PHACTR1: variants seen among roughly 807,000 people sequenced by gnomAD.
The protein encoded by PHACTR1 is RPEL repeat containing 1.
In PHACTR1, 16 loss-of-function variants were observed where a neutral mutation model predicts 69.2. The ratio of observed to expected loss-of-function variants is 0.23; its 90% CI spans 0.16 to 0.35. The LOEUF is 0.35. Ranked by LOEUF, PHACTR1 falls within the 10% of genes least tolerant of loss-of-function variation. The pLI is 1.00. For synonymous variants in PHACTR1, 312 were observed against 284.5 expected (o/e 1.10, Z -0.97); for missense variants, 510 against 734.7 (o/e 0.69, Z 3.54).
chr6:12,727,331 T>C (rs1762922036), intron 3 of PHACTR1, among the ~76,000 whole-genome samples: 6 of 152,246 alleles, frequency 3.9e-5, no homozygotes, highest in Admixed American at 2.6e-4. Context: ...CCTCCTGTTC[T>C]GGAGTGTGCC....
In PHACTR1 at chr6:12,805,190, A is replaced by G. The variant is rs797018753; in HGVS notation, c.250+55400A>G. On this transcript the variant is annotated intron_variant, in intron 4 of 14. Transcript: ENST00000332995. ...AAGGAAATGACTCATCTGTGCGTTGAAAATATCACACTTGAAATTCATCAA... is the reference window on the plus strand; with the variant it reads ...AAGGAAATGACTCATCTGTGCGTTGGAAATATCACACTTGAAATTCATCAA... Among the ~76,000 whole-genome samples the G allele has an allele frequency of 8.1e-4, 123 of 152,336 alleles. 1 individual carries two copies. Among genetic ancestry groups the G allele is most frequent in the African/African-American group, 2.7e-3 (111 of 41,592 alleles).
In PHACTR1 at chr6:13,041,339, TACACACAC is replaced by T. The variant is rs368368056; in HGVS notation, c.251-11992_251-11985del. Among the ~76,000 whole-genome samples the T allele has an allele frequency of 2.5e-3, 345 of 135,468 alleles. 2 individuals are homozygous for T. The highest frequency in any genetic ancestry group is 3.9e-3 in the Admixed American group (51 of 13,194). The allele number at this position is 135,468 out of a possible 152,430, so 88.9% of individuals were successfully genotyped here. A position where few individuals can be genotyped will look rare whatever the true frequency, so the allele number is the denominator to read the frequency against. On this transcript the variant is annotated intron_variant, in intron 4 of 14. Transcript: ENST00000332995. ...AGCCACTGGTGGTAATTAAAATACA[TACACACAC>T]ACACACACACACACACACACACACA...
chr6:13,175,216 C>T (rs1467898290), intron 6 of PHACTR1, among the ~76,000 whole-genome samples: 13 of 152,204 alleles, frequency 8.5e-5, no homozygotes, highest in Admixed American at 8.5e-4. Flanking sequence ...AACCGTATGT[C>T]AGGCAAGAAA....
At chr6:13,076,990 T>G (rs1249751916) in intron 5 of PHACTR1, among the ~76,000 whole-genome samples, 1 of 149,030 alleles carries the variant, frequency 6.7e-6, no homozygotes, top group African/African-American at 2.5e-5. Context: ...ATCCTAATGC[T>G]AGATGACGAG....
chr6:13,013,090 T>A (rs1294885243), intron 4 of PHACTR1, among the ~76,000 whole-genome samples: 1 of 152,220 alleles, frequency 6.6e-6, no homozygotes, highest in Non-Finnish European at 1.5e-5. Flanking sequence ...GACCCTGTTC[T>A]CCCTTTGGAA....
At chr6:12,966,411 A>T (rs1158777421) in intron 4 of PHACTR1, among the ~76,000 whole-genome samples, 1 of 152,200 alleles carries the variant, frequency 6.6e-6, no homozygotes, top group African/African-American at 2.4e-5. Flanking sequence ...CCTGCTGATA[A>T]AGCACAGAAC....
chr6:12,790,999 C>T (rs1319790535), intron 4 of PHACTR1, among the ~76,000 whole-genome samples: 2 of 152,258 alleles, frequency 1.3e-5, no homozygotes, highest in African/African-American at 2.4e-5. Context: ...AAGGCAAACA[C>T]GATAGACATC....
At chr6:12,856,220 CT>C (rs919131888) in intron 4 of PHACTR1, among the ~76,000 whole-genome samples, 1 of 149,994 alleles carries the variant, frequency 6.7e-6, no homozygotes, top group Non-Finnish European at 1.5e-5. Flanking sequence ...TTCACCCTTT[CT>C]TTTTTTCTTT....
intron 10 of PHACTR1, among the ~76,000 whole-genome samples, chr6:13,240,856 A>G (rs1383200669): frequency 6.6e-6 from 1 of 152,198 alleles, no homozygotes. Context: ...GTTGCTGTAG[A>G]TAAAGTGTTT....
At chr6:13,274,338 C>T (rs915709966) in intron 11 of PHACTR1, 8 of 152,170 alleles carry the variant, frequency 5.3e-5, no homozygotes, top group African/African-American at 1.9e-4. Context: ...AGTTTCCAAG[C>T]TTAATATTCT....
chr6:13,192,848 G>T (rs1024436754), intron 7 of PHACTR1, among the ~76,000 whole-genome samples: 1 of 152,190 alleles, frequency 6.6e-6, no homozygotes, highest in Non-Finnish European at 1.5e-5. Context: ...AAGCCCTGTT[G>T]CTGAAGGAGG....
intron 6 of PHACTR1, among the ~76,000 whole-genome samples, chr6:13,168,362 C>T (rs944609140): frequency 6.6e-5 from 10 of 152,240 alleles, no homozygotes; most frequent in African/African-American, 2.4e-4. Flanking sequence ...TTAAGCAACA[C>T]TGTTCTTTCA....
intron 4 of PHACTR1, among the ~76,000 whole-genome samples, chr6:13,013,838 A>T (rs1183122835): frequency 2.0e-5 from 3 of 148,580 alleles, no homozygotes; most frequent in African/African-American, 4.9e-5. Context: ...CGCGAGTGGC[A>T]GCGCGCGGGG....
At chr6:13,134,423 G>A (rs957789073) in intron 5 of PHACTR1, among the ~76,000 whole-genome samples, 1 of 152,200 alleles carries the variant, frequency 6.6e-6, no homozygotes, top group African/African-American at 2.4e-5. Context: ...GTAGACATGG[G>A]AGACTCCATT....
chr6:13,068,277 A>G (rs1445372972), intron 5 of PHACTR1, among the ~76,000 whole-genome samples: 1 of 152,224 alleles, frequency 6.6e-6, no homozygotes, highest in Non-Finnish European at 1.5e-5. Context: ...AGATGGCACC[A>G]CTGCACTCCA....
At chr6:13,273,905 C>CCCCCCCCCCCCCCCCCCCA in intron 11 of PHACTR1, 1 of 131,994 alleles carries the variant, frequency 7.6e-6, no homozygotes, top group African/African-American at 2.8e-5. Flanking sequence ...TCCCCCGGCC[C>CCCCCCCCCCCCCCCCCCCA]CCCCGCCCCG....
At position 12,921,462 on chromosome 6, in the gene PHACTR1, TGGAA is replaced by T. The variant is rs992368215; in HGVS notation, c.251-131883_251-131880del. Among the ~76,000 whole-genome samples, 26 of 114,712 alleles carry T rather than the reference TGGAA, an allele frequency of 2.3e-4. No individual in the cohort carries two copies. In the East Asian group the frequency reaches 2.6e-3, roughly 11 times the overall value. 75.3% of individuals were successfully genotyped at this position (114,712 alleles called of 152,430 possible). A position where few individuals can be genotyped will look rare whatever the true frequency, so the allele number is the denominator to read the frequency against. ...ATCCTACCCATGCTGGAGGGAAGGA[TGGAA>T]GGAAGGAAGGAAGGAAGGAGGGAAG... On this transcript the variant is annotated intron_variant, in intron 4 of 14. Coordinates refer to ENST00000332995, the MANE Select transcript of PHACTR1 (RefSeq NM_030948.6).
intron 4 of PHACTR1, among the ~76,000 whole-genome samples, chr6:12,844,994 C>T (rs1779060026): frequency 6.6e-6 from 1 of 152,084 alleles, no homozygotes; most frequent in African/African-American, 2.4e-5. Context: ...AGAAAGGCCA[C>T]CTATTATGTT....
At chr6:13,080,463 C>G (rs941555722) in intron 5 of PHACTR1, among the ~76,000 whole-genome samples, 5 of 152,076 alleles carry the variant, frequency 3.3e-5, no homozygotes, top group Non-Finnish European at 5.9e-5. Context: ...GTTCATTAAC[C>G]AACTAAACCA....
Sources: gnomAD v4.1 joint callset for allele counts (sites outside exome capture counted in the v4.1 genomes callset) on GRCh38, gnomAD v4.1.1 for gene constraint, MANE v1.5 for transcripts, NCBI Gene and HGNC (gene_info 2026-07-23, HGNC 2026-07-21) for gene names.